ADAMTS20: variants seen among roughly 807,000 people sequenced by gnomAD.
ADAMTS20 encodes the protein ADAM metallopeptidase with thrombospondin type 1 motif 20, also known as A disintegrin and metalloproteinase with thrombospondin motifs 20.
A neutral mutation model predicts 260.1 loss-of-function variants in ADAMTS20; 225 were observed. That is an observed-to-expected ratio of 0.87 (90% CI 0.78 to 0.97). The LOEUF (loss-of-function observed/expected upper bound fraction) is 0.97, where lower values mean the gene tolerates loss of function less well. Ranked by LOEUF, ADAMTS20 falls within the 50% of genes least tolerant of loss-of-function variation. The pLI, the probability that ADAMTS20 is intolerant of heterozygous loss-of-function variation, is 0.00. For synonymous variants in ADAMTS20, 802 were observed against 769.5 expected (o/e 1.04, Z -0.70); for missense variants, 2,400 against 2,337.7 (o/e 1.03, Z -0.55).
chr12:43,450,839 C>G (rs1358264563), intron 14 of ADAMTS20, among the ~76,000 whole-genome samples: 2 of 152,052 alleles, frequency 1.3e-5, no homozygotes, highest in Non-Finnish European at 2.9e-5. Context: ...AGCTAATTAA[C>G]AAATGCATAA....
At chr12:43,491,493 G>C (rs919454477) in intron 6 of ADAMTS20, among the ~76,000 whole-genome samples, 3 of 152,106 alleles carry the variant, frequency 2.0e-5, no homozygotes, top group Non-Finnish European at 4.4e-5. Context: ...TTTCTTTTGA[G>C]TTTGATGCCT....
chr12:43,460,066 T>C (rs1241578143), intron 11 of ADAMTS20, among the ~76,000 whole-genome samples: 3 of 152,208 alleles, frequency 2.0e-5, no homozygotes, highest in Admixed American at 6.6e-5. Context: ...GAATATTTGT[T>C]TCAAATGTCC....
intron 36 of ADAMTS20, 76 bp downstream of exon 36, chr12:43,375,303 C>A: frequency 6.9e-7 from 1 of 1,457,992 alleles, no homozygotes; most frequent in Non-Finnish European, 9.2e-7. Context: ...CTGGCTACAA[C>A]ATATACCAAC....
intron 34 of ADAMTS20, 38 bp from the exon 35 acceptor site, chr12:43,376,186 C>A: frequency 3.9e-6 from 6 of 1,553,292 alleles, no homozygotes; most frequent in Non-Finnish European, 5.2e-6. Flanking sequence ...AAACTTTTTC[C>A]AAAGTCAATG....
chr12:43,494,303 C>T (rs1942646831), intron 4 of ADAMTS20, among the ~76,000 whole-genome samples: 1 of 152,104 alleles, frequency 6.6e-6, no homozygotes, highest in Admixed American at 6.5e-5. Flanking sequence ...GGACAAAGGC[C>T]CTGACCTTAT....
chr12:43,501,888 T>G (rs182603150), intron 4 of ADAMTS20, among the ~76,000 whole-genome samples: 70 of 152,304 alleles, frequency 4.6e-4, no homozygotes, highest in African/African-American at 1.6e-3. Context: ...AAGCCATTCA[T>G]GTGAGAAAGT....
intron 3 of ADAMTS20, among the ~76,000 whole-genome samples, chr12:43,522,395 GAC>G: frequency 6.6e-6 from 1 of 152,288 alleles, no homozygotes; most frequent in Non-Finnish European, 1.5e-5. Context: ...TTTGGGTGGG[GAC>G]ACAGAGCCAA....
intron 3 of ADAMTS20, among the ~76,000 whole-genome samples, chr12:43,530,609 C>G (rs575978846): frequency 6.6e-6 from 1 of 152,122 alleles, no homozygotes; most frequent in Non-Finnish European, 1.5e-5. Context: ...TTTACGGACA[C>G]CTACGATCTC....
intron 4 of ADAMTS20, among the ~76,000 whole-genome samples, chr12:43,501,116 T>A (rs1430338080): frequency 7.2e-6 from 1 of 138,348 alleles, no homozygotes; most frequent in African/African-American, 2.7e-5. Flanking sequence ...TGGAGTGCAA[T>A]GGCACGATCT....
chr12:43,365,099 T>A (rs987672822), intron 37 of ADAMTS20, among the ~76,000 whole-genome samples: 1 of 152,062 alleles, frequency 6.6e-6, no homozygotes, highest in African/African-American at 2.4e-5. Flanking sequence ...AGCAGTGTGA[T>A]GACATATTCA....
intron 4 of ADAMTS20, among the ~76,000 whole-genome samples, chr12:43,498,243 A>G (rs902863082): frequency 2.6e-5 from 4 of 152,214 alleles, no homozygotes; most frequent in Non-Finnish European, 5.9e-5. Flanking sequence ...TAAAAAGTGA[A>G]TCAAGTCACA....
In ADAMTS20 at chr12:43,551,825, C is replaced by T. The variant is rs1565591584; in HGVS notation, c.91+6G>A. ...AGCCGCTGAAGGCGTCTCGCGGTGA[C>T]TTTACCTTGCCTGGGGTGGAAGTCA... On this transcript the variant is annotated splice_donor_region_variant and intron_variant, in intron 1 of 38. Coordinates refer to ENST00000389420, the MANE Select transcript of ADAMTS20 (RefSeq NM_025003.5). The surrounding 1 kb of genome is among the most constrained non-coding windows in gnomAD (Gnocchi z 4.6). 3 of 1,613,450 alleles carry T rather than the reference C, an allele frequency of 1.9e-6. No individual in the cohort carries two copies. The highest frequency in any genetic ancestry group is 1.1e-5 in the South Asian group (1 of 91,086).
chr12:43,500,189 T>A (rs1384633402), intron 4 of ADAMTS20, among the ~76,000 whole-genome samples: 1 of 151,960 alleles, frequency 6.6e-6, no homozygotes, highest in African/African-American at 2.4e-5. Flanking sequence ...CCACCACGCC[T>A]GGCTAATTTT....
At chr12:43,425,743 A>G (rs1471581914) in intron 27 of ADAMTS20, 53 bp from the exon 28 acceptor site, 1 of 1,230,268 alleles carries the variant, frequency 8.1e-7, no homozygotes, top group Admixed American at 2.8e-5. Context: ...AGAATAATGT[A>G]TTGCTTCATT....
intron 37 of ADAMTS20, among the ~76,000 whole-genome samples, chr12:43,362,365 G>C (rs774330054): frequency 3.3e-5 from 5 of 152,180 alleles, no homozygotes; most frequent in Non-Finnish European, 1.5e-5. Flanking sequence ...ATGGAAAGTA[G>C]TAGGTCAGAG....
In ADAMTS20 at chr12:43,432,661, G is replaced by A; in HGVS notation, c.2871C>T (p.Thr957=). 6.2e-7 allele frequency: 1 copy of A among 1,613,838 alleles called. No individual in the cohort carries two copies. The highest frequency in any genetic ancestry group is 8.5e-7 in the Non-Finnish European group (1 of 1,179,830). Residue 957 remains threonine (T), a synonymous_variant, in exon 20 of 39, where the codon ACC becomes ACT. Transcript: ENST00000389420. ...HYCGDQLKPP[T]QELCHGNCVF... Reference sequence around the variant, plus strand: ...CACAGTTACCATGGCATAGTTCTTGGGTAGGAGGTTTAAGCTGGTCACCAC... The same window carrying A: ...CACAGTTACCATGGCATAGTTCTTGAGTAGGAGGTTTAAGCTGGTCACCAC...
intron 2 of ADAMTS20, among the ~76,000 whole-genome samples, chr12:43,546,999 A>G (rs1299184988): frequency 6.6e-6 from 1 of 152,190 alleles, no homozygotes; most frequent in Non-Finnish European, 1.5e-5. Context: ...TAGGAAAAAA[A>G]CTAAACAATA....
chr12:43,423,961 A>C (rs1941283658), intron 28 of ADAMTS20: 1 of 696,058 alleles, frequency 1.4e-6, no homozygotes, highest in African/African-American at 1.7e-5. Flanking sequence ...TAATATCATC[A>C]GTCACACTTT....
intron 37 of ADAMTS20, among the ~76,000 whole-genome samples, chr12:43,360,652 A>C (rs539616039): frequency 6.6e-6 from 1 of 152,244 alleles, no homozygotes; most frequent in African/African-American, 2.4e-5. Flanking sequence ...ATAGAGAACA[A>C]CTTTTATGAA....
Sources: gnomAD v4.1 joint callset for allele counts (sites outside exome capture counted in the v4.1 genomes callset) on GRCh38, gnomAD v4.1.1 for gene constraint, Gnocchi (gnomAD v3.1) non-coding constraint, MANE v1.5 for transcripts, NCBI Gene and HGNC (gene_info 2026-07-23, HGNC 2026-07-21) for gene names.